The following PLCH1 variants were observed in gnomAD, a reference collection of about 807,000 sequenced individuals.
PLCH1 encodes phospholipase C eta 1.
A neutral mutation model predicts 126.7 loss-of-function variants in PLCH1; 60 were observed. The observed-to-expected ratio is 0.47, with a 90% CI of 0.38 to 0.59. The LOEUF (loss-of-function observed/expected upper bound fraction) is 0.59. Among genes scored for constraint, PLCH1 ranks in the 20% least tolerant of loss-of-function variants. The pLI is 0.00. For missense variants in PLCH1, 1,723 were observed against 2,040.0 expected (o/e 0.84, Z 2.99); for synonymous variants, 719 against 734.9 (o/e 0.98, Z 0.35).
chr3:155,739,466 C>G (rs572931421), intron 1 of PLCH1, among the ~76,000 whole-genome samples: 1 of 152,132 alleles, frequency 6.6e-6, no homozygotes, highest in East Asian at 1.9e-4. Context: ...AAAACATAGC[C>G]CACATCGTTT....
chr3:155,514,931 G>A lies in PLCH1; in HGVS notation c.1471-47C>T, dbSNP rs762964985. The A allele has an allele frequency of 4.4e-5, 57 of 1,304,666 alleles. No individual in the cohort carries two copies. The Admixed American group carries it at 4.5e-4, about 10-fold the overall frequency. 80.8% of individuals were successfully genotyped at this position (1,304,666 alleles called of 1,614,324 possible). A position where few individuals can be genotyped will look rare whatever the true frequency, so the allele number is the denominator to read the frequency against. ...AAATGATTTCCTTAAGAAACACACCGAATTAGAATATACCCTTTGATCAAG... is the reference window on the plus strand; with the variant it reads ...AAATGATTTCCTTAAGAAACACACCAAATTAGAATATACCCTTTGATCAAG... On this transcript the variant is annotated intron_variant, in intron 11 of 22. Coordinates refer to ENST00000460012, the MANE Select transcript of PLCH1 (RefSeq NM_014996.4).
At chr3:155,460,528 C>T (rs1236524393) in intron 21 of PLCH1, among the ~76,000 whole-genome samples, 1 of 152,040 alleles carries the variant, frequency 6.6e-6, no homozygotes, top group African/African-American at 2.4e-5. Context: ...GAAGTTGGCC[C>T]TTAGTTTCCT....
At chr3:155,545,835 A>T (rs1316532559) in intron 10 of PLCH1, among the ~76,000 whole-genome samples, 1 of 152,200 alleles carries the variant, frequency 6.6e-6, no homozygotes, top group Non-Finnish European at 1.5e-5. Context: ...ACAAAATTCA[A>T]CAAGCTTCAT....
chr3:155,667,901 CTT>C (rs1742923064), intron 2 of PLCH1, among the ~76,000 whole-genome samples: 1 of 107,870 alleles, frequency 9.3e-6, no homozygotes, highest in Non-Finnish European at 1.7e-5. Flanking sequence ...CCCATCTCTA[CTT>C]AAAAAAAAAA....
chr3:155,741,311 A>G (rs1318470790), intron 1 of PLCH1, among the ~76,000 whole-genome samples: 1 of 152,218 alleles, frequency 6.6e-6, no homozygotes, highest in Non-Finnish European at 1.5e-5. Flanking sequence ...CAGGCCGAGG[A>G]GGCATTGTTC....
intron 2 of PLCH1, among the ~76,000 whole-genome samples, chr3:155,626,519 C>T (rs1454684365): frequency 2.0e-5 from 3 of 152,174 alleles, no homozygotes; most frequent in Non-Finnish European, 2.9e-5. Flanking sequence ...CCTGTAACCC[C>T]AGCCCTTTGG....
chr3:155,710,939 C>T (rs114362674), intron 1 of PLCH1, among the ~76,000 whole-genome samples: 2,395 of 148,782 alleles, frequency 0.016, 26 homozygotes, highest in South Asian at 0.039. Flanking sequence ...ATTACTTATC[C>T]CCTAAAGACA....
intron 1 of PLCH1, among the ~76,000 whole-genome samples, chr3:155,705,316 A>G (rs1387470996): frequency 2.0e-5 from 3 of 152,052 alleles, no homozygotes; most frequent in South Asian, 4.1e-4. Flanking sequence ...CTATGGCCCA[A>G]CCTTAACCCA....
chr3:155,465,566 C>T (rs1192876517), intron 21 of PLCH1, among the ~76,000 whole-genome samples: 3 of 151,944 alleles, frequency 2.0e-5, no homozygotes, highest in Non-Finnish European at 4.4e-5. Context: ...GCTGTGGTGG[C>T]TATGGGCAAA....
chr3:155,670,009 C>T (rs1386345307), intron 2 of PLCH1, among the ~76,000 whole-genome samples: 2 of 152,086 alleles, frequency 1.3e-5, no homozygotes, highest in East Asian at 3.9e-4. Context: ...AATCCACATG[C>T]CAAAATATCA....
intron 1 of PLCH1, among the ~76,000 whole-genome samples, chr3:155,714,306 T>A (rs1747355219): frequency 6.6e-6 from 1 of 152,150 alleles, no homozygotes; most frequent in Admixed American, 6.5e-5. Flanking sequence ...GGGCCAGGGA[T>A]CCTCTTCTCT....
At chr3:155,652,489 T>A (rs1740824691) in intron 2 of PLCH1, among the ~76,000 whole-genome samples, 1 of 152,196 alleles carries the variant, frequency 6.6e-6, no homozygotes, top group African/African-American at 2.4e-5. Flanking sequence ...TTTTTGCGTG[T>A]GTGTGTGGGA....
At chr3:155,729,394 G>T (rs1748586091) in intron 1 of PLCH1, among the ~76,000 whole-genome samples, 1 of 152,126 alleles carries the variant, frequency 6.6e-6, no homozygotes, top group African/African-American at 2.4e-5. Context: ...GTAAGTGGGG[G>T]ATCTGTGCCC....
intron 2 of PLCH1, among the ~76,000 whole-genome samples, chr3:155,630,205 G>T (rs936871022): frequency 6.6e-6 from 1 of 152,168 alleles, no homozygotes; most frequent in Non-Finnish European, 1.5e-5. Flanking sequence ...ACTCTTGTTG[G>T]TTGCCTTTTA....
chr3:155,698,898 C>T (rs181679195), intron 2 of PLCH1, among the ~76,000 whole-genome samples: 1 of 152,020 alleles, frequency 6.6e-6, no homozygotes, highest in Admixed American at 6.5e-5. Context: ...AAGAAATCTA[C>T]CTGGCAACGC....
chr3:155,514,724 T>C lies in PLCH1; in HGVS notation c.1631A>G (p.Gln544Arg). Reference protein sequence around the residue: ...THEGLNAHLKQSPDVKESGKK... With the variant: ...THEGLNAHLKRSPDVKESGKK... Reference sequence around the variant, plus strand: ...TAAGTACAAGAGGGAATCAGATACCTGCTTCAGGTGTGCATTTAAGCCTTC... The same window carrying C: ...TAAGTACAAGAGGGAATCAGATACCCGCTTCAGGTGTGCATTTAAGCCTTC... The change falls in exon 12 of 23, where the codon CAG becomes CGG. Residue 544 changes from glutamine (Q) to arginine (R), a missense_variant and splice_region_variant. Transcript: ENST00000460012. 6.5e-7 allele frequency: 1 copy of C among 1,534,582 alleles called. No individual in the cohort carries two copies. Among genetic ancestry groups the C allele is most frequent in the Non-Finnish European group, 8.8e-7 (1 of 1,133,586 alleles).
chr3:155,455,885 A>G (rs1327865013), intron 21 of PLCH1, among the ~76,000 whole-genome samples: 3 of 152,226 alleles, frequency 2.0e-5, no homozygotes, highest in African/African-American at 7.2e-5. Flanking sequence ...ATGAAAGCAC[A>G]ATCACAAATG....
downstream of PLCH1, among the ~76,000 whole-genome samples, chr3:155,475,576 C>G (rs1443335728): frequency 6.6e-6 from 1 of 151,482 alleles, no homozygotes; most frequent in Non-Finnish European, 1.5e-5. Flanking sequence ...TTTAGCCAGA[C>G]TAAGAAAAAA....
intron 2 of PLCH1, among the ~76,000 whole-genome samples, chr3:155,667,255 A>G (rs1363011403): frequency 6.6e-6 from 1 of 152,184 alleles, no homozygotes; most frequent in Non-Finnish European, 1.5e-5. Flanking sequence ...TACACTAAAA[A>G]AATCCTGGAT....
Sources: allele counts gnomAD v4.1 joint callset (sites outside exome capture counted in the v4.1 genomes callset), GRCh38; gene constraint gnomAD v4.1.1; transcripts MANE v1.5; gene names NCBI Gene and HGNC (gene_info 2026-07-23, HGNC 2026-07-21).